Variants in PRKCE observed in about 807,000 individuals in gnomAD.
The protein encoded by PRKCE is protein kinase C epsilon type.
A neutral mutation model predicts 85.4 loss-of-function variants in PRKCE; 16 were observed. The observed-to-expected ratio is 0.19, with a 90% CI of 0.13 to 0.28. PRKCE has a LOEUF of 0.28. PRKCE is among the 10% of genes least tolerant of loss of function. The pLI is 1.00. For missense variants in PRKCE, 573 were observed against 975.2 expected (o/e 0.59, Z 5.49); for synonymous variants, 388 against 371.5 (o/e 1.04, Z -0.51).
chr2:46,055,295 T>G (rs1666462079), intron 10 of PRKCE, among the ~76,000 whole-genome samples: 1 of 152,194 alleles, frequency 6.6e-6, no homozygotes, highest in Non-Finnish European at 1.5e-5. Flanking sequence ...TCGCCCTGGC[T>G]CCTGCACCTG....
intron 2 of PRKCE, among the ~76,000 whole-genome samples, chr2:45,870,702 A>C (rs534685842): frequency 4.3e-4 from 66 of 152,300 alleles, no homozygotes; most frequent in Non-Finnish European, 6.8e-4. Flanking sequence ...AGTTTGTTCA[A>C]ATCCAGTTTC....
intron 1 of PRKCE, among the ~76,000 whole-genome samples, chr2:45,708,376 A>T (rs1558579511): frequency 6.6e-6 from 1 of 152,192 alleles, no homozygotes; most frequent in Non-Finnish European, 1.5e-5. Context: ...CTCATCTTGA[A>T]TTCCCACATG....
intron 10 of PRKCE, among the ~76,000 whole-genome samples, chr2:46,042,847 G>T (rs1241517659): frequency 1.3e-5 from 2 of 152,314 alleles, no homozygotes; most frequent in Admixed American, 1.3e-4. Context: ...TTGTTCACAG[G>T]CACCTCCCTG....
In PRKCE at chr2:45,697,241, G is replaced by A. The variant is rs1678228871; in HGVS notation, c.348+44793G>A. 6.6e-6 allele frequency among the ~76,000 whole-genome samples: 1 copy of A among 152,064 alleles called. No homozygotes were observed. Among genetic ancestry groups the A allele is most frequent in the Non-Finnish European group, 1.5e-5 (1 of 68,028 alleles). On this transcript the variant is annotated intron_variant, in intron 1 of 14. Coordinates refer to ENST00000306156, the MANE Select transcript of PRKCE (RefSeq NM_005400.3). The surrounding 1 kb of genome is among the most constrained non-coding windows in gnomAD (Gnocchi z 4.2). The stretch of plus-strand genomic sequence containing the variant: ...GGGAGGGCCTGTGTAGGTGAAGAGG[G>A]GGCGCACCCCACTGGCTGGCCTGGC...
intron 10 of PRKCE, among the ~76,000 whole-genome samples, chr2:46,049,412 TG>T (rs1191612208): frequency 6.6e-6 from 1 of 152,150 alleles, no homozygotes; most frequent in Non-Finnish European, 1.5e-5. Flanking sequence ...TGACTTAAAG[TG>T]GCCTGAGATA....
intron 1 of PRKCE, among the ~76,000 whole-genome samples, chr2:45,656,314 C>G (rs1163532130): frequency 3.9e-5 from 6 of 152,178 alleles, no homozygotes; most frequent in Non-Finnish European, 8.8e-5. Context: ...CTCTGAACAT[C>G]ATTAGTGATG....
chr2:45,831,034 C>T (rs764190694), intron 1 of PRKCE, among the ~76,000 whole-genome samples: 3 of 152,174 alleles, frequency 2.0e-5, no homozygotes, highest in Non-Finnish European at 2.9e-5. Context: ...GACCAGAGAG[C>T]GTCAGCTCAG....
At chr2:45,834,592 ATGTGTGTG>A (rs35972016) in intron 1 of PRKCE, among the ~76,000 whole-genome samples, 2 of 149,254 alleles carry the variant, frequency 1.3e-5, no homozygotes, top group Non-Finnish European at 3.0e-5. Flanking sequence ...GCATGTGTGT[ATGTGTGTG>A]TGTGTGTGTG....
intron 11 of PRKCE, among the ~76,000 whole-genome samples, chr2:46,093,356 A>G (rs965052478): frequency 6.6e-6 from 1 of 152,158 alleles, no homozygotes; most frequent in Non-Finnish European, 1.5e-5. Flanking sequence ...AAAGATATAC[A>G]TACAGATGAA....
intron 6 of PRKCE, among the ~76,000 whole-genome samples, chr2:46,000,432 G>T (rs761973213): frequency 2.0e-5 from 3 of 146,514 alleles, no homozygotes; most frequent in Non-Finnish European, 3.0e-5. Context: ...GATCAGTCGG[G>T]GTCTGATAAA....
At chr2:45,924,179 G>A (rs1422380156) in intron 2 of PRKCE, among the ~76,000 whole-genome samples, 2 of 152,186 alleles carry the variant, frequency 1.3e-5, no homozygotes, top group Non-Finnish European at 2.9e-5. Flanking sequence ...TGGGGAATGA[G>A]CAATGGAATT....
intron 2 of PRKCE, among the ~76,000 whole-genome samples, chr2:45,971,757 C>G (rs1702124545): frequency 6.6e-6 from 1 of 152,144 alleles, no homozygotes; most frequent in East Asian, 1.9e-4. Flanking sequence ...AACGAATGAC[C>G]AATGTTAATG....
Position 45,759,433 on chromosome 2 carries a change from C to T in PRKCE, c.349-83567C>T, listed in dbSNP as rs116144588. Among the ~76,000 whole-genome samples the T allele has an allele frequency of 9.8e-3, 1,497 of 152,296 alleles. 26 individuals are homozygous for T. Among genetic ancestry groups the T allele is most frequent in the African/African-American group, 0.034 (1,399 of 41,566 alleles). On this transcript the variant is annotated intron_variant, in intron 1 of 14. Coordinates refer to ENST00000306156, the MANE Select transcript of PRKCE (RefSeq NM_005400.3). Reference sequence around the variant, plus strand: ...TCGGTGCAGGGCTGGAGAACGAGCTCGGCCCAGCTGGGACGCTACTGCTGT... The same window carrying T: ...TCGGTGCAGGGCTGGAGAACGAGCTTGGCCCAGCTGGGACGCTACTGCTGT...
intron 1 of PRKCE, among the ~76,000 whole-genome samples, chr2:45,750,333 C>A (rs6757543): frequency 0.92 from 140,168 of 152,198 alleles, 64,692 homozygotes; most frequent in East Asian, 1. Flanking sequence ...TTCTCTCTCT[C>A]AGGATTTTCT....
chr2:45,897,124 T>C (rs1275500330), intron 2 of PRKCE, among the ~76,000 whole-genome samples: 1 of 152,210 alleles, frequency 6.6e-6, no homozygotes, highest in Non-Finnish European at 1.5e-5. Flanking sequence ...TAGTATTAAA[T>C]ATAACATAAT....
intron 10 of PRKCE, among the ~76,000 whole-genome samples, chr2:46,069,015 A>G (rs992965301): frequency 1.3e-5 from 2 of 152,232 alleles, no homozygotes; most frequent in African/African-American, 4.8e-5. Context: ...TCCAGGAATT[A>G]TGCTATAAAA....
At chr2:45,945,269 A>C (rs1573976644) in intron 2 of PRKCE, among the ~76,000 whole-genome samples, 1 of 152,272 alleles carries the variant, frequency 6.6e-6, no homozygotes, top group East Asian at 1.9e-4. Context: ...CATGGCACCA[A>C]CATCTGCTTG....
chr2:45,661,541 T>G (rs188486103), intron 1 of PRKCE, among the ~76,000 whole-genome samples: 1,664 of 137,354 alleles, frequency 0.012, 37 homozygotes, highest in African/African-American at 0.043. Context: ...TTTTTTTTTT[T>G]TTTTTTAGAA....
Position 45,651,856 on chromosome 2 carries a change from C to T in PRKCE, c.-245C>T. On this transcript the variant is annotated 5_prime_UTR_variant, in exon 1 of 15. Coordinates refer to ENST00000306156, the MANE Select transcript of PRKCE (RefSeq NM_005400.3). ...TGGTGGTCGGGGGGAGAGACTTGCTCCAAACACGGACATCCCCCAGCTCTC... is the reference window on the plus strand; with the variant it reads ...TGGTGGTCGGGGGGAGAGACTTGCTTCAAACACGGACATCCCCCAGCTCTC... 1 of 412,368 alleles carries T rather than the reference C, an allele frequency of 2.4e-6. No homozygotes were observed. Among genetic ancestry groups the T allele is most frequent in the Non-Finnish European group, 4.3e-6 (1 of 230,304 alleles). The allele number at this position is 412,368 out of a possible 1,614,324, so 25.5% of individuals were successfully genotyped here.
Sources: allele counts gnomAD v4.1 joint callset (sites outside exome capture counted in the v4.1 genomes callset), GRCh38; gene constraint gnomAD v4.1.1; non-coding constraint Gnocchi (gnomAD v3.1); transcripts MANE v1.5; gene names NCBI Gene and HGNC (gene_info 2026-07-23, HGNC 2026-07-21).